Variants in STK39 observed in about 807,000 individuals in gnomAD.
STK39 encodes the protein STE20/SPS1-related proline-alanine-rich protein kinase.
In STK39, 20 loss-of-function variants were observed where a neutral mutation model predicts 77.8. That is an observed-to-expected ratio of 0.26 (90% CI 0.18 to 0.37). The LOEUF is 0.37. Among genes scored for constraint, STK39 ranks in the 10% least tolerant of loss-of-function variants. The pLI, the probability that STK39 is intolerant of heterozygous loss-of-function variation, is 1.00. For missense variants in STK39, 479 were observed against 656.5 expected (o/e 0.73, Z 2.95); for synonymous variants, 246 against 234.1 (o/e 1.05, Z -0.47).
intron 16 of STK39, among the ~76,000 whole-genome samples, chr2:167,969,715 C>T (rs116417534): frequency 0.014 from 2,100 of 152,366 alleles, 15 homozygotes; most frequent in Non-Finnish European, 0.021. Flanking sequence ...CTACCACCAA[C>T]TTGCCACTAG....
chr2:167,999,754 G>A (rs1200800467), intron 16 of STK39, among the ~76,000 whole-genome samples: 5 of 152,120 alleles, frequency 3.3e-5, no homozygotes, highest in East Asian at 3.8e-4. Flanking sequence ...GAACCACTGC[G>A]CCCGGCCCGA....
chr2:168,142,404 T>C (rs1451203932), intron 5 of STK39, among the ~76,000 whole-genome samples: 1 of 152,116 alleles, frequency 6.6e-6, no homozygotes, highest in Non-Finnish European at 1.5e-5. Context: ...TAATATAATA[T>C]GAAATAAATA....
At chr2:168,131,945 A>G (rs1687708105) in intron 8 of STK39, among the ~76,000 whole-genome samples, 1 of 152,222 alleles carries the variant, frequency 6.6e-6, no homozygotes, top group Admixed American at 6.5e-5. Context: ...GGTGCTAGGC[A>G]TACTATAATG....
chr2:168,079,210 C>G (rs1686162529), intron 10 of STK39, among the ~76,000 whole-genome samples: 1 of 152,150 alleles, frequency 6.6e-6, no homozygotes, highest in Admixed American at 6.5e-5. Context: ...TGACCACCAC[C>G]TCTCTCGGCA....
At chr2:168,168,982 C>CA (rs1257371681) in intron 2 of STK39, among the ~76,000 whole-genome samples, 2 of 150,590 alleles carry the variant, frequency 1.3e-5, no homozygotes, top group Non-Finnish European at 1.5e-5. Context: ...GATTCTGTCT[C>CA]AAAAAAAAAT....
At position 168,118,131 on chromosome 2, in the gene STK39, AGCACT is replaced by A. The variant is rs572437019; in HGVS notation, c.1089+11405_1089+11409del. 2.6e-5 allele frequency among the ~76,000 whole-genome samples: 4 copies of A among 152,214 alleles called. No homozygotes were observed. In the South Asian group the frequency reaches 8.3e-4, roughly 32 times the overall value. On this transcript the variant is annotated intron_variant, in intron 10 of 17. Coordinates refer to ENST00000355999, the MANE Select transcript of STK39 (RefSeq NM_013233.3). ...TAGTAGGTTACCAGGATGCTCGGGG[AGCACT>A]GCATGGACAGATGGAGGAGGAGGAG...
chr2:168,063,340 G>A (rs1685709885), intron 14 of STK39, among the ~76,000 whole-genome samples, 160 bp downstream of exon 14: 2 of 152,190 alleles, frequency 1.3e-5, no homozygotes, highest in Non-Finnish European at 2.9e-5. Flanking sequence ...AATTAGAAGA[G>A]CACAATTAGC....
chr2:168,127,269 G>T lies in STK39; in HGVS notation c.1089+2272C>A, dbSNP rs748500580. ...TGGTTCAAGTGATTCTCCTGCCTCA[G>T]CCTCCCGAGTAGCTGGGACTACAGG... On this transcript the variant is annotated intron_variant, in intron 10 of 17. Transcript: ENST00000355999. Among the ~76,000 whole-genome samples the T allele has an allele frequency of 1.8e-3, 277 of 152,232 alleles. 2 individuals carry two copies. The highest frequency in any genetic ancestry group is 3.4e-3 in the Middle Eastern group (1 of 294).
intron 1 of STK39, among the ~76,000 whole-genome samples, chr2:168,210,030 A>AAGGAAGGAAGGAAGGAAGG (rs1689848352): frequency 2.7e-5 from 3 of 110,104 alleles, no homozygotes; most frequent in Admixed American, 9.5e-5. Flanking sequence ...GAAAGGAAAG[A>AAGGAAGGAAGGAAGGAAGG]AAGGAAGGAA....
Position 167,954,375 on chromosome 2 carries a change from T to C in STK39, c.*1121A>G, listed in dbSNP as rs981836197. The C allele has an allele frequency of 1.3e-5, 2 of 152,616 alleles. No individual in the cohort carries two copies. The highest frequency in any genetic ancestry group is 2.9e-5 in the Non-Finnish European group (2 of 68,046). The allele number at this position is 152,616 out of a possible 1,614,324, so 9.5% of individuals were successfully genotyped here. The stretch of plus-strand genomic sequence containing the variant: ...GGGCTACTTGGGTTGAAAGTATTGA[T>C]TCTTGAACCTTAACAGCGTTTTACC... On this transcript the variant is annotated 3_prime_UTR_variant, in exon 18 of 18. Transcript: ENST00000355999.
In STK39 at chr2:168,135,253, G is replaced by GA. The variant is rs1333236763; in HGVS notation, c.974+2834dup. On this transcript the variant is annotated intron_variant, in intron 8 of 17. Transcript: ENST00000355999. ...AAGTTTCAACAACTCCACTTGGTCA[G>GA]AAAAAAAAAAAAGGCAAATAACGAA... is the stretch of plus-strand genomic sequence containing the variant. Among the ~76,000 whole-genome samples, 411 of 141,500 alleles carry GA rather than the reference G, an allele frequency of 2.9e-3. 3 individuals are homozygous for GA. Among genetic ancestry groups the GA allele is most frequent in the Middle Eastern group, 3.6e-3 (1 of 278 alleles). 92.8% of individuals were successfully genotyped at this position (141,500 alleles called of 152,430 possible).
chr2:168,134,606 G>A (rs1687785154), intron 8 of STK39, among the ~76,000 whole-genome samples: 1 of 151,532 alleles, frequency 6.6e-6, no homozygotes, highest in Non-Finnish European at 1.5e-5. Flanking sequence ...TTAAGGAATA[G>A]CAAGATGTTC....
At chr2:168,079,190 T>C (rs1272607998) in intron 10 of STK39, among the ~76,000 whole-genome samples, 1 of 152,162 alleles carries the variant, frequency 6.6e-6, no homozygotes, top group Non-Finnish European at 1.5e-5. Flanking sequence ...ACTCTGACAC[T>C]GCTCCTCTCT....
intron 16 of STK39, among the ~76,000 whole-genome samples, chr2:167,978,196 C>A (rs1683330831): frequency 6.6e-6 from 1 of 152,156 alleles, no homozygotes. Flanking sequence ...CAGACAGAGG[C>A]TGCATGGCCC....
intron 17 of STK39, chr2:167,964,265 C>T (rs1692084213): frequency 1.2e-5 from 2 of 163,178 alleles, no homozygotes; most frequent in South Asian, 1.7e-4. Context: ...CTACAACAAT[C>T]AGCCTCTATT....
intron 10 of STK39, among the ~76,000 whole-genome samples, chr2:168,106,193 T>C (rs1284687931): frequency 6.6e-6 from 1 of 152,200 alleles, no homozygotes; most frequent in Non-Finnish European, 1.5e-5. Context: ...AACAACTGCT[T>C]CTGTACAAAT....
intron 14 of STK39, among the ~76,000 whole-genome samples, chr2:168,051,048 G>A (rs1188440672): frequency 2.0e-5 from 3 of 152,178 alleles, no homozygotes; most frequent in African/African-American, 7.2e-5. Flanking sequence ...ACCTTTCCAA[G>A]ACTCAGCATC....
intron 16 of STK39, among the ~76,000 whole-genome samples, chr2:167,992,455 T>C (rs1343038046): frequency 6.6e-6 from 1 of 152,084 alleles, no homozygotes; most frequent in Non-Finnish European, 1.5e-5. Context: ...GAAAGAAGGA[T>C]GTGGGATGAA....
At chr2:168,024,981 T>C (rs1165552035) in intron 14 of STK39, among the ~76,000 whole-genome samples, 1 of 152,194 alleles carries the variant, frequency 6.6e-6, no homozygotes, top group Admixed American at 6.5e-5. Flanking sequence ...ATAGTATTTG[T>C]TGAACAGATG....
Sources: gnomAD v4.1 joint callset for allele counts (sites outside exome capture counted in the v4.1 genomes callset) on GRCh38, gnomAD v4.1.1 for gene constraint, MANE v1.5 for transcripts, NCBI Gene and HGNC (gene_info 2026-07-23, HGNC 2026-07-21) for gene names.